SYNPR: variants seen among roughly 807,000 people sequenced by gnomAD.
SYNPR encodes the protein synaptoporin.
SYNPR carries 23 observed loss-of-function variants against 32.9 expected under a neutral mutation model. The ratio of observed to expected loss-of-function variants is 0.70; its 90% CI spans 0.50 to 0.99. The LOEUF is 0.99. Among genes scored for constraint, SYNPR ranks in the 50% least tolerant of loss-of-function variants. The pLI is 0.00. For missense variants in SYNPR, 318 were observed against 349.3 expected (o/e 0.91, Z 0.71); for synonymous variants, 146 against 135.9 (o/e 1.07, Z -0.52).
At chr3:63,328,260 C>T (rs1433455136) in intron 2 of SYNPR, among the ~76,000 whole-genome samples, 1 of 152,132 alleles carries the variant, frequency 6.6e-6, no homozygotes, top group Non-Finnish European at 1.5e-5. Context: ...TCCCTTTATC[C>T]TCAGGTTGCA....
At chr3:63,540,930 AAC>A (rs58295090) in intron 3 of SYNPR, among the ~76,000 whole-genome samples, 1,502 of 122,476 alleles carry the variant, frequency 0.012, 26 homozygotes, top group Admixed American at 0.048. Flanking sequence ...TCCCCCCCCC[AAC>A]ACACACACAC....
At chr3:63,297,615 A>G (rs1489033674) in intron 2 of SYNPR, among the ~76,000 whole-genome samples, 1 of 152,222 alleles carries the variant, frequency 6.6e-6, no homozygotes, top group Non-Finnish European at 1.5e-5. Context: ...AGAAAAGCGC[A>G]TTGAGACATT....
intron 2 of SYNPR, among the ~76,000 whole-genome samples, chr3:63,383,037 G>C (rs1013984809): frequency 3.3e-5 from 5 of 152,058 alleles, no homozygotes; most frequent in Non-Finnish European, 7.4e-5. Flanking sequence ...TTTATGGAAA[G>C]TGTTGTAGAG....
chr3:63,272,132 A>G (rs1288322340), intron 3 of SYNPR, among the ~76,000 whole-genome samples: 3 of 152,114 alleles, frequency 2.0e-5, no homozygotes, highest in Non-Finnish European at 2.9e-5. Context: ...TGTCGGTCAT[A>G]TTTCTTAGAC....
At chr3:63,393,779 G>A (rs146647391) in intron 2 of SYNPR, among the ~76,000 whole-genome samples, 11 of 152,160 alleles carry the variant, frequency 7.2e-5, no homozygotes, top group Admixed American at 1.3e-4. Context: ...TCAAAGCACT[G>A]GGATTACAGG....
chr3:63,601,244 G>T (rs1202036530), intron 4 of SYNPR, among the ~76,000 whole-genome samples: 1 of 150,794 alleles, frequency 6.6e-6, no homozygotes, highest in Non-Finnish European at 1.5e-5. Context: ...TTGCACTCCA[G>T]CCTGGGCAAC....
At position 63,556,674 on chromosome 3, in the gene SYNPR, T is replaced by C. The variant is rs762826245; in HGVS notation, c.341T>C (p.Leu114Ser). The change falls in exon 4 of 6, where the codon TTG becomes TCG. Residue 114 changes from leucine (L) to serine (S), a missense_variant. By Grantham distance (145) the Leu-to-Ser change is moderately radical. Coordinates refer to ENST00000478300, the MANE Select transcript of SYNPR (RefSeq NM_001130003.2). ...TVAVFAFLYS[L>S]AATVVYIFFQ... ...GCTGTCTTCGCCTTCCTCTACTCTT[T>C]GGCTGCCACTGTCGTTTACATTTTC... The C allele has an allele frequency of 1.2e-5, 19 of 1,613,814 alleles. No individual in the cohort carries two copies. The highest frequency in any genetic ancestry group is 1.6e-5 in the Non-Finnish European group (19 of 1,179,820).
intron 1 of SYNPR, among the ~76,000 whole-genome samples, chr3:63,229,789 G>C (rs1489335698): frequency 6.6e-6 from 1 of 151,506 alleles, no homozygotes; most frequent in Non-Finnish European, 1.5e-5. Flanking sequence ...CTTGTTCTAA[G>C]AACTATTATG....
intron 2 of SYNPR, among the ~76,000 whole-genome samples, chr3:63,324,422 GT>G (rs753987075): frequency 1.3e-5 from 2 of 152,092 alleles, no homozygotes; most frequent in Admixed American, 6.6e-5. Context: ...AACACTGAAA[GT>G]TTGTGAGCTG....
chr3:63,524,839 GTGTGTGTGTGTGC>G (rs1391041692), intron 3 of SYNPR, among the ~76,000 whole-genome samples: 9 of 134,808 alleles, frequency 6.7e-5, no homozygotes, highest in African/African-American at 2.5e-4. Context: ...GTGTGTGTGT[GTGTGTGTGTGTGC>G]ATGTGTGTGT....
intron 4 of SYNPR, among the ~76,000 whole-genome samples, chr3:63,604,160 C>A (rs1364361034): frequency 5.3e-5 from 8 of 152,078 alleles, no homozygotes; most frequent in Non-Finnish European, 1.2e-4. Context: ...TGAGTAGTTT[C>A]TCCACTCCAT....
chr3:63,571,061 G>A (rs960487272), intron 4 of SYNPR, among the ~76,000 whole-genome samples: 1 of 152,082 alleles, frequency 6.6e-6, no homozygotes, highest in Non-Finnish European at 1.5e-5. Context: ...TTTAACATCA[G>A]GGTTTTGAAA....
intron 2 of SYNPR, among the ~76,000 whole-genome samples, chr3:63,455,755 G>GT (rs1700470056): frequency 7.2e-6 from 1 of 139,012 alleles, no homozygotes; most frequent in African/African-American, 3.0e-5. Flanking sequence ...GTCATGTTTG[G>GT]GGTGTGTGTG....
chr3:63,355,853 T>A (rs1204522638), intron 2 of SYNPR, among the ~76,000 whole-genome samples: 1 of 152,238 alleles, frequency 6.6e-6, no homozygotes, highest in East Asian at 1.9e-4. Context: ...CAGTTCCTCA[T>A]TGCACACGTT....
At chr3:63,402,132 A>G (rs938925) in intron 2 of SYNPR, among the ~76,000 whole-genome samples, 16,685 of 152,046 alleles carry the variant, frequency 0.11, 1,726 homozygotes, top group African/African-American at 0.27. Context: ...GAGGAAGGAG[A>G]GGTTTGAAGA....
chr3:63,568,665 T>C (rs544833510), intron 4 of SYNPR, among the ~76,000 whole-genome samples: 7 of 152,274 alleles, frequency 4.6e-5, no homozygotes, highest in African/African-American at 1.4e-4. Context: ...GCCCATGATG[T>C]AGAAGGAGTC....
chr3:63,586,179 GA>G (rs1480773284), intron 4 of SYNPR, among the ~76,000 whole-genome samples: 1 of 151,884 alleles, frequency 6.6e-6, no homozygotes, highest in African/African-American at 2.4e-5. Context: ...ATATATGACA[GA>G]ATAATGGGTC....
At chr3:63,403,822 G>T (rs2088324341) in intron 2 of SYNPR, among the ~76,000 whole-genome samples, 1 of 152,182 alleles carries the variant, frequency 6.6e-6, no homozygotes. Flanking sequence ...GTAAGCCAGA[G>T]AGAAAGGAGC....
chr3:63,441,191 G>A (rs1332842722), intron 2 of SYNPR, among the ~76,000 whole-genome samples: 4 of 152,250 alleles, frequency 2.6e-5, no homozygotes, highest in South Asian at 4.2e-4. Context: ...ATTGTAACTC[G>A]TAGTTTTGTA....
Sources: gnomAD v4.1 joint callset for allele counts (sites outside exome capture counted in the v4.1 genomes callset) on GRCh38, gnomAD v4.1.1 for gene constraint, MANE v1.5 for transcripts, NCBI Gene and HGNC (gene_info 2026-07-23, HGNC 2026-07-21) for gene names.